PCDH19: variants seen among roughly 807,000 people sequenced by gnomAD.
The protein encoded by PCDH19 is protocadherin 19.
A neutral mutation model predicts 46.2 loss-of-function variants in PCDH19; 6 were observed. The ratio of observed to expected loss-of-function variants is 0.13; its 90% CI spans 0.07 to 0.26. The LOEUF is 0.26. Ranked by LOEUF, PCDH19 falls within the 10% of genes least tolerant of loss-of-function variation. The pLI, the probability that PCDH19 is intolerant of heterozygous loss-of-function variation, is 1.00. For synonymous variants in PCDH19, 481 were observed against 415.7 expected, an observed-to-expected ratio of 1.16 and a Z score of -1.91; for missense variants, 740 against 972.3, an observed-to-expected ratio of 0.76 and a Z score of 3.18.
intron 5 of PCDH19, among the ~76,000 whole-genome samples, chrX:100,338,606 T>C (rs1926169242): frequency 9.1e-6 from 1 of 110,007 alleles, no homozygotes; most frequent in Admixed American, 9.7e-5. Context: ...TTAAATATAG[T>C]GATTCTGGGT....
At chrX:100,345,112 T>TCA (rs1170835845) in intron 4 of PCDH19, among the ~76,000 whole-genome samples, 1 of 110,737 alleles carries the variant, frequency 9.0e-6, no homozygotes, top group Non-Finnish European at 1.9e-5. Context: ...AAAACCCCCT[T>TCA]CACAAGGCCA....
chrX:100,347,877 A>G (rs1338913557), intron 4 of PCDH19, among the ~76,000 whole-genome samples: 3 of 108,162 alleles, frequency 2.8e-5, no homozygotes, highest in Non-Finnish European at 5.7e-5. Flanking sequence ...AGCCTGGCTA[A>G]CATGGCGAAA....
At chrX:100,299,330 G>A (rs1924707140) in intron 5 of PCDH19, among the ~76,000 whole-genome samples, 1 of 112,039 alleles carries the variant, frequency 8.9e-6, no homozygotes, top group Non-Finnish European at 1.9e-5. Context: ...AGTACCATCT[G>A]CCCAATGTCT....
intron 3 of PCDH19, among the ~76,000 whole-genome samples, chrX:100,365,939 C>A (rs1315904248): frequency 8.9e-6 from 1 of 111,883 alleles, no homozygotes; most frequent in Non-Finnish European, 1.9e-5. Context: ...AACTAAATTT[C>A]TCATGGGAGG....
intron 5 of PCDH19, among the ~76,000 whole-genome samples, chrX:100,306,941 C>G (rs1185269539): frequency 9.0e-6 from 1 of 111,162 alleles, no homozygotes; most frequent in African/African-American, 3.3e-5. Flanking sequence ...AAGAGTCAGA[C>G]AGATTCATAG....
At chrX:100,314,815 T>G (rs1479467681) in intron 5 of PCDH19, among the ~76,000 whole-genome samples, 1 of 112,098 alleles carries the variant, frequency 8.9e-6, no homozygotes, top group Admixed American at 9.5e-5. Flanking sequence ...TCAATGAACC[T>G]TTTATTCCAA....
intron 5 of PCDH19, among the ~76,000 whole-genome samples, chrX:100,317,762 C>T (rs1170369744): frequency 9.0e-6 from 1 of 110,903 alleles, no homozygotes; most frequent in African/African-American, 3.3e-5. Context: ...CCAAAGAGAG[C>T]CTCCTTCCCA....
At chrX:100,365,185 G>T (rs1927036205) in intron 3 of PCDH19, among the ~76,000 whole-genome samples, 2 of 111,038 alleles carry the variant, frequency 1.8e-5, no homozygotes, top group Admixed American at 9.6e-5. Context: ...ACAACAGTCT[G>T]CAGATGTATA....
chrX:100,407,652 C>T lies in PCDH19; in HGVS notation c.946G>A (p.Val316Met). The T allele has an allele frequency of 1.6e-6, 2 of 1,212,145 alleles. No individual in the cohort carries two copies. Among genetic ancestry groups the T allele is most frequent in the Non-Finnish European group, 2.2e-6 (2 of 895,538 alleles). ...YEEGHVYELDVQAKDLGPNSI... is the reference protein window; with the variant it reads ...YEEGHVYELDMQAKDLGPNSI... ...TTGGGCCCCAAGTCCTTAGCCTGCA[C>T]GTCCAGTTCGTACACGTGCCCCTCT... Residue 316 changes from valine to methionine, a missense_variant, in exon 1 of 6, where the codon GTG (valine) becomes ATG (methionine). Physicochemically the swap from Val to Met is conservative, Grantham distance 21. Transcript: ENST00000373034.
intron 5 of PCDH19, among the ~76,000 whole-genome samples, chrX:100,317,934 G>C (rs1419938612): frequency 8.9e-6 from 1 of 112,156 alleles, no homozygotes; most frequent in Non-Finnish European, 1.9e-5. Context: ...GAAAAGCAAA[G>C]GCAAACCTTT....
chrX:100,361,657 CTAAA>C (rs1395517036), intron 3 of PCDH19, among the ~76,000 whole-genome samples: 5 of 111,790 alleles, frequency 4.5e-5, no homozygotes, highest in Non-Finnish European at 9.4e-5. Flanking sequence ...CCTTTATGAG[CTAAA>C]TAAATATTAT....
chrX:100,374,000 TA>T (rs926258779), intron 3 of PCDH19, among the ~76,000 whole-genome samples: 2 of 112,311 alleles, frequency 1.8e-5, no homozygotes, highest in African/African-American at 3.2e-5. Context: ...GAAGGTCCCA[TA>T]AAAATGAGGG....
chrX:100,396,005 C>G (rs757679016), intron 3 of PCDH19, among the ~76,000 whole-genome samples: 1 of 111,949 alleles, frequency 8.9e-6, no homozygotes, highest in East Asian at 2.9e-4. Flanking sequence ...GCCTCTTCTC[C>G]GTGGGGGAAA....
At chrX:100,374,614 C>T (rs1927318512) in intron 3 of PCDH19, among the ~76,000 whole-genome samples, 1 of 111,833 alleles carries the variant, frequency 8.9e-6, no homozygotes, top group African/African-American at 3.3e-5. Flanking sequence ...ATAAATTATG[C>T]TTACAAGTCT....
chrX:100,358,597 C>G (rs1602605276), intron 3 of PCDH19, among the ~76,000 whole-genome samples: 1 of 111,998 alleles, frequency 8.9e-6, no homozygotes, highest in Admixed American at 9.5e-5. Flanking sequence ...CAGCTGTCTG[C>G]AGTAAACCAT....
intron 5 of PCDH19, among the ~76,000 whole-genome samples, chrX:100,312,357 T>C (rs771756962): frequency 8.9e-6 from 1 of 111,756 alleles, no homozygotes; most frequent in African/African-American, 3.3e-5. Flanking sequence ...ACCTGGAATT[T>C]ATGAATAATA....
chrX:100,393,391 C>T (rs145795721), intron 3 of PCDH19, among the ~76,000 whole-genome samples: 1 of 109,850 alleles, frequency 9.1e-6, no homozygotes, highest in African/African-American at 3.3e-5. Flanking sequence ...ATCACAGAGG[C>T]AAAAAAAGTG....
rs761209045 is a variant in PCDH19 at position 100,385,770 on chromosome X, T to C, written c.2616+16754A>G. Among the ~76,000 whole-genome samples, 16 of 111,100 alleles carry C rather than the reference T, an allele frequency of 1.4e-4. No individual in the cohort carries two copies. The South Asian group carries it at 5.4e-3, about 38-fold the overall frequency. Reference sequence around the variant, plus strand: ...TTAGCCAGGTATGGTAGCAGGCACCTGTACTCCCAGATACTTGGGAGGCTG... The same window carrying C: ...TTAGCCAGGTATGGTAGCAGGCACCCGTACTCCCAGATACTTGGGAGGCTG... On this transcript the variant is annotated intron_variant, in intron 3 of 5. Transcript: ENST00000373034.
intron 5 of PCDH19, among the ~76,000 whole-genome samples, chrX:100,333,938 T>C (rs1398247199): frequency 1.8e-5 from 2 of 109,423 alleles, no homozygotes; most frequent in Non-Finnish European, 3.8e-5. Context: ...TACAGGCATG[T>C]GCCACCATGC....
Sources: gnomAD v4.1 joint callset for allele counts (sites outside exome capture counted in the v4.1 genomes callset) on GRCh38, gnomAD v4.1.1 for gene constraint, MANE v1.5 for transcripts, NCBI Gene and HGNC (gene_info 2026-07-23, HGNC 2026-07-21) for gene names.